Variants in RNF157 observed in about 807,000 individuals in gnomAD.
The protein encoded by RNF157 is ring finger protein 157.
RNF157 carries 55 observed loss-of-function variants against 88.3 expected under a neutral mutation model. The ratio of observed to expected loss-of-function variants is 0.62; its 90% CI spans 0.50 to 0.78. RNF157 has a LOEUF of 0.78. Ranked by LOEUF, RNF157 falls within the 30% of genes least tolerant of loss-of-function variation. RNF157 has a pLI of 0.00. For synonymous variants in RNF157, 334 were observed against 341.2 expected (o/e 0.98, Z 0.23); for missense variants, 788 against 860.8 (o/e 0.92, Z 1.06).
chr17:76,172,950 CTA>C (rs1317340127), intron 3 of RNF157, among the ~76,000 whole-genome samples: 1 of 152,038 alleles, frequency 6.6e-6, no homozygotes, highest in Non-Finnish European at 1.5e-5. Flanking sequence ...ACCCAGTGCA[CTA>C]TGAGTTCCTT....
intron 18 of RNF157, among the ~76,000 whole-genome samples, chr17:76,151,731 G>C (rs776696253): frequency 3.9e-5 from 6 of 152,144 alleles, no homozygotes; most frequent in Non-Finnish European, 5.9e-5. Flanking sequence ...GAGGAATAAG[G>C]GGCACTCTGA....
At chr17:76,203,452 CTTT>C (rs35848509) in intron 2 of RNF157, among the ~76,000 whole-genome samples, 13 of 138,550 alleles carry the variant, frequency 9.4e-5, no homozygotes, top group African/African-American at 2.7e-4. Flanking sequence ...AAAGTAAAAA[CTTT>C]TTTTTTTTTT....
chr17:76,226,204 A>T (rs1051705784), intron 1 of RNF157: 2 of 1,611,758 alleles, frequency 1.2e-6, no homozygotes, highest in African/African-American at 2.7e-5. Flanking sequence ...GGATCATGGC[A>T]ACGTAAGCAG....
intron 1 of RNF157, among the ~76,000 whole-genome samples, chr17:76,213,129 T>G (rs2069830193): frequency 6.6e-6 from 1 of 152,218 alleles, no homozygotes; most frequent in South Asian, 2.1e-4. Context: ...TATTTTTTGG[T>G]TCCTGACTTT....
In RNF157 at chr17:76,157,358, G is replaced by A. The variant is rs991620436; in HGVS notation, c.1413+1035C>T. Among the ~76,000 whole-genome samples the A allele has an allele frequency of 6.6e-6, 1 of 152,210 alleles. No individual in the cohort carries two copies. The highest frequency in any genetic ancestry group is 2.4e-5 in the African/African-American group (1 of 41,450). On this transcript the variant is annotated intron_variant, in intron 13 of 18. Coordinates refer to ENST00000269391, the MANE Select transcript of RNF157 (RefSeq NM_052916.3). This position sits in a 1 kb window ranked among gnomAD's most constrained non-coding sequence, Gnocchi z 5.6. ...CCAGGCTGCACACTGCGGTCGGGTG[G>A]GCCTTTGGGGTGTGAAGCACTCACT... is the stretch of plus-strand genomic sequence containing the variant.
rs1433189923 is a variant in RNF157, at chr17:76,160,930, T to C, written c.1065+605A>G. 6.6e-6 allele frequency among the ~76,000 whole-genome samples: 1 copy of C among 152,248 alleles called. No homozygotes were observed. The stretch of plus-strand genomic sequence containing the variant: ...GTTACTCCAGCTGGAATTTATTTGG[T>C]AAGGAGTAAAGTGCTAAACTAATTT... On this transcript the variant is annotated intron_variant, in intron 11 of 18. Transcript: ENST00000269391. The surrounding 1 kb of genome is among the most constrained non-coding windows in gnomAD (Gnocchi z 4.3).
At chr17:76,233,242 T>C (rs2070225786) in intron 1 of RNF157, among the ~76,000 whole-genome samples, 1 of 152,152 alleles carries the variant, frequency 6.6e-6, no homozygotes, top group Admixed American at 6.5e-5. Flanking sequence ...TTTAATTGGA[T>C]GGTTTGTCTC....
At position 76,155,747 on chromosome 17, in the gene RNF157, G is replaced by A. The variant is rs373845100; in HGVS notation, c.1526-13C>T. On this transcript the variant is annotated splice_polypyrimidine_tract_variant and intron_variant, in intron 14 of 18. Transcript: ENST00000269391. ...CTGCTGGCAGGGCCTTTGGAGACAGGGGATGGGGAAAGGAGCCTGGAGGTC... is the reference window on the plus strand; with the variant it reads ...CTGCTGGCAGGGCCTTTGGAGACAGAGGATGGGGAAAGGAGCCTGGAGGTC... 3 of 1,533,096 alleles carry A rather than the reference G, an allele frequency of 2.0e-6. No homozygotes were observed. The highest frequency in any genetic ancestry group is 2.6e-6 in the Non-Finnish European group (3 of 1,139,400). 95.0% of individuals were successfully genotyped at this position (1,533,096 alleles called of 1,614,324 possible).
intron 2 of RNF157, among the ~76,000 whole-genome samples, chr17:76,183,522 T>C (rs1220942300): frequency 6.6e-6 from 1 of 152,142 alleles, no homozygotes; most frequent in Non-Finnish European, 1.5e-5. Flanking sequence ...GGCTATTCAC[T>C]GTGACCATAG....
chr17:76,231,696 A>G (rs999642721), intron 1 of RNF157, among the ~76,000 whole-genome samples: 3 of 152,210 alleles, frequency 2.0e-5, no homozygotes, highest in African/African-American at 2.4e-5. Context: ...CACCCTTTCA[A>G]TCATCAAGCT....
At chr17:76,171,964 C>A (rs2069021122) in intron 3 of RNF157, among the ~76,000 whole-genome samples, 1 of 152,200 alleles carries the variant, frequency 6.6e-6, no homozygotes, top group African/African-American at 2.4e-5. Flanking sequence ...ATGAGAGAAA[C>A]CAAGTGGACA....
At chr17:76,189,570 A>C (rs2069348826) in intron 2 of RNF157, among the ~76,000 whole-genome samples, 1 of 152,264 alleles carries the variant, frequency 6.6e-6, no homozygotes, top group African/African-American at 2.4e-5. Context: ...CAGGTACTAC[A>C]CAAGGTATTT....
In RNF157 at chr17:76,222,969, C is replaced by T. The variant is rs188406937; in HGVS notation, c.89-10487G>A. Among the ~76,000 whole-genome samples, 596 of 152,034 alleles carry T rather than the reference C, an allele frequency of 3.9e-3. 1 individual carries two copies. The highest frequency in any genetic ancestry group is 5.8e-3 in the Non-Finnish European group (397 of 67,980). On this transcript the variant is annotated intron_variant, in intron 1 of 18. Coordinates refer to ENST00000269391, the MANE Select transcript of RNF157 (RefSeq NM_052916.3). ...GCAGAGGCCCGATCCTGGCTCACTG[C>T]AAGCTCCGCCTCCTGGGTTCACGCC...
chr17:76,186,368 G>T (rs555219092), intron 2 of RNF157, among the ~76,000 whole-genome samples: 1 of 151,718 alleles, frequency 6.6e-6, no homozygotes, highest in South Asian at 2.1e-4. Context: ...TTAGCTGGGC[G>T]TGGTGGCGGG....
chr17:76,207,703 T>C (rs1032101003), intron 2 of RNF157, among the ~76,000 whole-genome samples: 3 of 152,156 alleles, frequency 2.0e-5, no homozygotes, highest in Non-Finnish European at 2.9e-5. Flanking sequence ...CCCTGTAACC[T>C]AACACTCATG....
chr17:76,212,633 A>G, intron 1 of RNF157, 151 bp from the exon 2 acceptor site: 3 of 573,674 alleles, frequency 5.2e-6, no homozygotes, highest in Non-Finnish European at 9.3e-6. Flanking sequence ...AGGCTGAGGC[A>G]GACAGATCGC....
At position 76,176,829 on chromosome 17, in the gene RNF157, AG is replaced by A. The variant is rs899756992; in HGVS notation, c.208-3040del. Reference sequence around the variant, plus strand: ...GGGCGCGGAGCTGGGGCCATGCTTCAGGGGCCCCGGGCAGGAAGTGGGAGCA... The same window carrying A: ...GGGCGCGGAGCTGGGGCCATGCTTCAGGGCCCCGGGCAGGAAGTGGGAGCA... On this transcript the variant is annotated intron_variant, in intron 2 of 18. Coordinates refer to ENST00000269391, the MANE Select transcript of RNF157 (RefSeq NM_052916.3). The surrounding 1 kb of genome is among the most constrained non-coding windows in gnomAD (Gnocchi z 4.2). Among the ~76,000 whole-genome samples the A allele has an allele frequency of 2.6e-5, 4 of 152,064 alleles. No individual in the cohort carries two copies. Among genetic ancestry groups the A allele is most frequent in the African/African-American group, 9.7e-5 (4 of 41,372 alleles).
chr17:76,171,189 G>T (rs1451753436), intron 3 of RNF157, among the ~76,000 whole-genome samples: 2 of 149,084 alleles, frequency 1.3e-5, no homozygotes, highest in Admixed American at 1.3e-4. Context: ...ACTGCACCGG[G>T]CCTTATTTTT....
chr17:76,236,360 T>C (rs1479616193), intron 1 of RNF157, among the ~76,000 whole-genome samples: 1 of 152,256 alleles, frequency 6.6e-6, no homozygotes, highest in Admixed American at 6.5e-5. Flanking sequence ...ATGTGGACTT[T>C]TATCAACGTG....
Sources: gnomAD v4.1 joint callset for allele counts (sites outside exome capture counted in the v4.1 genomes callset) on GRCh38, gnomAD v4.1.1 for gene constraint, Gnocchi (gnomAD v3.1) non-coding constraint, MANE v1.5 for transcripts, NCBI Gene and HGNC (gene_info 2026-07-23, HGNC 2026-07-21) for gene names.